The following CPNE8 variants were observed in gnomAD, a reference collection of about 807,000 sequenced individuals.
The protein encoded by CPNE8 is copine-8.
Under a neutral mutation model 81.5 loss-of-function variants are expected in CPNE8, and 45 were observed. The observed-to-expected ratio is 0.55, with a 90% CI of 0.44 to 0.71. The LOEUF (loss-of-function observed/expected upper bound fraction) is 0.71. Among genes scored for constraint, CPNE8 ranks in the 30% least tolerant of loss-of-function variants. CPNE8 has a pLI of 0.00. For missense variants in CPNE8, 594 were observed against 672.1 expected, an observed-to-expected ratio of 0.88 and a Z score of 1.28; for synonymous variants, 252 against 226.3, an observed-to-expected ratio of 1.11 and a Z score of -1.02.
chr12:38,794,879 G>A lies in CPNE8; in HGVS notation c.408-18578C>T, dbSNP rs117133977. ...TAACCTGTTAGTCAGTGGACTGAGA[G>A]AGGTAGATCCACCCTCAATGAGACT... On this transcript the variant is annotated intron_variant, in intron 6 of 19. Coordinates refer to ENST00000331366, the MANE Select transcript of CPNE8 (RefSeq NM_153634.3). Among the ~76,000 whole-genome samples, 30 of 152,294 alleles carry A rather than the reference G, an allele frequency of 2.0e-4. No homozygotes were observed. The East Asian group carries it at 5.8e-3, about 29-fold the overall frequency.
intron 15 of CPNE8, among the ~76,000 whole-genome samples, chr12:38,689,145 A>C (rs1415617408): frequency 1.3e-5 from 2 of 152,224 alleles, no homozygotes; most frequent in Admixed American, 6.5e-5. Flanking sequence ...AGGGCAATGG[A>C]TGCCTTATTT....
chr12:38,777,634 C>G (rs924934876), intron 6 of CPNE8, among the ~76,000 whole-genome samples: 1 of 152,112 alleles, frequency 6.6e-6, no homozygotes, highest in African/African-American at 2.4e-5. Flanking sequence ...ACAGGTATAC[C>G]ATTTTATATG....
At chr12:38,853,769 C>T (rs117609042) in intron 3 of CPNE8, among the ~76,000 whole-genome samples, 4,371 of 152,022 alleles carry the variant, frequency 0.029, 88 homozygotes, top group Non-Finnish European at 0.043. Flanking sequence ...AATAGAAATA[C>T]TCCTCATTTC....
At chr12:38,738,835 A>ATG (rs1941015777) in intron 10 of CPNE8, among the ~76,000 whole-genome samples, 1 of 133,384 alleles carries the variant, frequency 7.5e-6, no homozygotes. Context: ...TTTTTTTGAG[A>ATG]CAGGGTCTTG....
At chr12:38,798,680 TC>T (rs1942569481) in intron 6 of CPNE8, among the ~76,000 whole-genome samples, 3 of 150,412 alleles carry the variant, frequency 2.0e-5, no homozygotes, top group Non-Finnish European at 4.4e-5. Context: ...AATGACAGGA[TC>T]AAATTCACAC....
At chr12:38,672,760 T>C (rs2136645351) in intron 18 of CPNE8, among the ~76,000 whole-genome samples, 1 of 152,310 alleles carries the variant, frequency 6.6e-6, no homozygotes, top group African/African-American at 2.4e-5. Context: ...GAAATTTATG[T>C]AGATAGTTTT....
At chr12:38,762,889 GTC>G in intron 8 of CPNE8, among the ~76,000 whole-genome samples, 1 of 152,282 alleles carries the variant, frequency 6.6e-6, no homozygotes, top group South Asian at 2.1e-4. Flanking sequence ...TTGAGACGGA[GTC>G]TCTGTCGCCC....
At chr12:38,864,058 A>ACAC (rs57218246) in intron 3 of CPNE8, among the ~76,000 whole-genome samples, 7 of 103,262 alleles carry the variant, frequency 6.8e-5, no homozygotes, top group South Asian at 2.8e-4. Flanking sequence ...CATCTCTCAC[A>ACAC]AAAAAAAAAA....
At chr12:38,682,032 C>T (rs1939419546) in intron 16 of CPNE8, among the ~76,000 whole-genome samples, 1 of 151,904 alleles carries the variant, frequency 6.6e-6, no homozygotes, top group African/African-American at 2.4e-5. Flanking sequence ...CCAGCCTGGC[C>T]AACAAGGCGA....
At chr12:38,714,965 T>C (rs964392658) in intron 13 of CPNE8, among the ~76,000 whole-genome samples, 1 of 152,106 alleles carries the variant, frequency 6.6e-6, no homozygotes, top group Non-Finnish European at 1.5e-5. Context: ...TAAAAGGCTA[T>C]GAAAACAATT....
At chr12:38,664,916 C>T (rs574986512) in intron 19 of CPNE8, among the ~76,000 whole-genome samples, 1 of 152,058 alleles carries the variant, frequency 6.6e-6, no homozygotes, top group Non-Finnish European at 1.5e-5. Flanking sequence ...TGTTATCAAA[C>T]AGGAGTATCC....
intron 6 of CPNE8, among the ~76,000 whole-genome samples, chr12:38,779,942 G>T (rs1942011186): frequency 6.6e-6 from 1 of 152,040 alleles, no homozygotes; most frequent in Non-Finnish European, 1.5e-5. Flanking sequence ...AGAATATTTG[G>T]AACAGAATAG....
rs553531770 is a variant in CPNE8, at chr12:38,740,746, G to C, written c.723-10388C>G. On this transcript the variant is annotated intron_variant, in intron 10 of 19. Transcript: ENST00000331366. ...TGCATCCCAGGGATGAAGCCCACTTGATCATGGTGGATAAGCTTTTAGATG... is the reference window on the plus strand; with the variant it reads ...TGCATCCCAGGGATGAAGCCCACTTCATCATGGTGGATAAGCTTTTAGATG... 3.9e-5 allele frequency among the ~76,000 whole-genome samples: 6 copies of C among 152,298 alleles called. No homozygotes were observed. The East Asian group carries it at 1.2e-3, about 29-fold the overall frequency.
At chr12:38,768,955 A>T (rs1026119609) in intron 7 of CPNE8, among the ~76,000 whole-genome samples, 1 of 152,152 alleles carries the variant, frequency 6.6e-6, no homozygotes, top group African/African-American at 2.4e-5. Flanking sequence ...CTTATTCATC[A>T]CTTCTTTATC....
chr12:38,745,329 T>C (rs547218152), intron 10 of CPNE8, among the ~76,000 whole-genome samples: 32 of 152,348 alleles, frequency 2.1e-4, no homozygotes, highest in African/African-American at 7.0e-4. Context: ...TATCCTTTCC[T>C]GAAATGCAGC....
chr12:38,830,312 T>C (rs1382366969), intron 5 of CPNE8, among the ~76,000 whole-genome samples: 3 of 152,146 alleles, frequency 2.0e-5, no homozygotes, highest in Non-Finnish European at 2.9e-5. Flanking sequence ...TTTAATTTAA[T>C]TTAAAAAATA....
intron 1 of CPNE8, among the ~76,000 whole-genome samples, chr12:38,895,355 A>T (rs1346546966): frequency 6.6e-6 from 1 of 152,076 alleles, no homozygotes; most frequent in East Asian, 1.9e-4. Flanking sequence ...GCCTGAGGTC[A>T]ATTCTCAATT....
chr12:38,810,254 C>T (rs191293089), intron 6 of CPNE8, among the ~76,000 whole-genome samples: 4 of 152,296 alleles, frequency 2.6e-5, no homozygotes, highest in Admixed American at 1.3e-4. Flanking sequence ...CAATGGCATC[C>T]TCCACAGATC....
chr12:38,819,360 A>G (rs1305766861), intron 6 of CPNE8, among the ~76,000 whole-genome samples: 1 of 152,204 alleles, frequency 6.6e-6, no homozygotes, highest in Non-Finnish European at 1.5e-5. Flanking sequence ...ATGGCTAGCC[A>G]TAACTGACTT....
Sources: gnomAD v4.1 joint callset for allele counts (sites outside exome capture counted in the v4.1 genomes callset) on GRCh38, gnomAD v4.1.1 for gene constraint, MANE v1.5 for transcripts, NCBI Gene and HGNC (gene_info 2026-07-23, HGNC 2026-07-21) for gene names.